PFKP: variants seen among roughly 807,000 people sequenced by gnomAD.
PFKP encodes the protein ATP-dependent 6-phosphofructokinase, platelet type.
A neutral mutation model predicts 94.3 loss-of-function variants in PFKP; 101 were observed. The observed-to-expected ratio is 1.07, with a 90% CI of 0.91 to 1.26. The LOEUF (loss-of-function observed/expected upper bound fraction) is 1.26. Ranked by LOEUF, PFKP falls within the 50% of genes most tolerant of loss-of-function variation. The pLI, the probability that PFKP is intolerant of heterozygous loss-of-function variation, is 0.00. For missense variants in PFKP, 1,145 were observed against 1,103.3 expected (o/e 1.04, Z -0.53); for synonymous variants, 573 against 432.6 (o/e 1.32, Z -4.03).
intron 10 of PFKP, among the ~76,000 whole-genome samples, chr10:3,110,767 C>T (rs925301581): frequency 6.6e-6 from 1 of 151,620 alleles, no homozygotes; most frequent in Non-Finnish European, 1.5e-5. Context: ...CATATACATG[C>T]AGGTTTATGC....
intron 2 of PFKP, among the ~76,000 whole-genome samples, chr10:3,098,675 A>C (rs1026403540): frequency 9.3e-6 from 1 of 107,028 alleles, no homozygotes; most frequent in Non-Finnish European, 2.2e-5. Flanking sequence ...TCCGTCTCAA[A>C]AAAAAAAAAA....
chr10:3,124,034 G>A (rs1171870357), intron 16 of PFKP, among the ~76,000 whole-genome samples: 2 of 131,426 alleles, frequency 1.5e-5, no homozygotes, highest in Non-Finnish European at 3.1e-5. Flanking sequence ...CCACCGTGCT[G>A]TGAACTCACC....
intron 3 of PFKP, chr10:3,100,862 C>CAAAATAAAAAAAAAAAAA (rs754923021): frequency 3.2e-5 from 21 of 657,252 alleles, no homozygotes; most frequent in South Asian, 5.5e-5. Flanking sequence ...GTATGTGGTG[C>CAAAATAAAAAAAAAAAAA]AAAAAAAAAA....
In PFKP at chr10:3,132,544, G is replaced by A. The variant is rs957709304; in HGVS notation, c.1910+103G>A. The A allele has an allele frequency of 1.8e-4, 144 of 808,142 alleles. 2 individuals carry two copies. The South Asian group carries it at 1.8e-3, about 10-fold the overall frequency. 50.1% of individuals were successfully genotyped at this position (808,142 alleles called of 1,614,324 possible). ...CTGGATGAGTGGTCATTTCTTTGCC[G>A]CTAGAGTGCACTACACACACTGAGC... On this transcript the variant is annotated intron_variant, in intron 18 of 21. Transcript: ENST00000381125.
intron 1 of PFKP, among the ~76,000 whole-genome samples, chr10:3,077,990 G>A (rs1832748526): frequency 6.6e-6 from 1 of 152,314 alleles, no homozygotes; most frequent in Admixed American, 6.5e-5. Context: ...TCTTTGGTAG[G>A]AAGATGTTAT....
chr10:3,121,037 G>A (rs1029976082), intron 16 of PFKP, among the ~76,000 whole-genome samples: 2 of 151,854 alleles, frequency 1.3e-5, no homozygotes, highest in Non-Finnish European at 1.5e-5. Context: ...ACCTTGGCAT[G>A]AAACTTATTT....
chr10:3,134,510 A>G lies in PFKP; in HGVS notation c.2050A>G (p.Asn684Asp), dbSNP rs1374191117. ...QGGAPSPFDR[N>D]FGTKISARAM... ...TGGGGCACCCTCTCCATTTGATAGA[A>G]ACTTTGGAACCAAAATCTCTGCCAG... Residue 684 changes from asparagine (N) to aspartate (D), a missense_variant, in exon 20 of 22, where the codon AAC becomes GAC. Physicochemically the swap from Asn to Asp is conservative, Grantham distance 23. Transcript: ENST00000381125. 6.2e-7 allele frequency: 1 copy of G among 1,613,872 alleles called. No individual in the cohort carries two copies. The highest frequency in any genetic ancestry group is 1.7e-5 in the Admixed American group (1 of 60,028).
intron 1 of PFKP, chr10:3,069,459 C>A: frequency 7.1e-7 from 1 of 1,409,236 alleles, no homozygotes. Flanking sequence ...CCTTCAGAAG[C>A]AGAGGGAGCA....
chr10:3,116,656 C>T (rs7086902), intron 13 of PFKP, 120 bp from the exon 14 acceptor site: 506,247 of 762,180 alleles, frequency 0.66, 169,534 homozygotes, highest in East Asian at 0.79. Context: ...CTGTCTCATA[C>T]GCCTCTCAAA....
chr10:3,122,279 G>A (rs56180516), intron 16 of PFKP, among the ~76,000 whole-genome samples: 9,092 of 152,194 alleles, frequency 0.06, 449 homozygotes, highest in East Asian at 0.21. Context: ...TTGGGAGTGC[G>A]GTGGTTCTAG....
intron 11 of PFKP, 36 bp downstream of exon 11, chr10:3,112,322 AAC>A: frequency 3.3e-6 from 5 of 1,515,484 alleles, no homozygotes; most frequent in Non-Finnish European, 4.6e-6. Context: ...CCCTGTCAGG[AAC>A]ACACACCCCT....
At chr10:3,118,695 G>T in intron 14 of PFKP, 87 bp from the exon 15 acceptor site, 1 of 858,816 alleles carries the variant, frequency 1.2e-6, no homozygotes, top group Non-Finnish European at 1.9e-6. Flanking sequence ...GACTGGGGAA[G>T]GCGGCCGGGT....
chr10:3,084,468 C>G (rs1337404820), intron 2 of PFKP, among the ~76,000 whole-genome samples: 1 of 152,164 alleles, frequency 6.6e-6, no homozygotes, highest in Non-Finnish European at 1.5e-5. Flanking sequence ...TGCTTTTATT[C>G]AATTAAACTG....
intron 17 of PFKP, among the ~76,000 whole-genome samples, chr10:3,131,025 C>T (rs1838514461): frequency 6.6e-6 from 1 of 152,028 alleles, no homozygotes; most frequent in African/African-American, 2.4e-5. Flanking sequence ...CAGTGGGTCC[C>T]ATAAGATTAT....
intron 17 of PFKP, among the ~76,000 whole-genome samples, chr10:3,131,847 A>G (rs1423866131): frequency 2.1e-4 from 32 of 152,262 alleles, no homozygotes; most frequent in Non-Finnish European, 4.3e-4. Context: ...ATCATTAGAG[A>G]ATTACCTCCC....
chr10:3,123,207 CT>C (rs1837599483), intron 16 of PFKP, among the ~76,000 whole-genome samples: 1 of 152,198 alleles, frequency 6.6e-6, no homozygotes. Flanking sequence ...CCTTTCATTC[CT>C]TAGCACTGGC....
At chr10:3,085,907 C>T (rs911606173) in intron 2 of PFKP, among the ~76,000 whole-genome samples, 4 of 150,444 alleles carry the variant, frequency 2.7e-5, no homozygotes, top group Admixed American at 6.6e-5. Flanking sequence ...CTGCACCTGA[C>T]GAAGACCAGC....
intron 10 of PFKP, among the ~76,000 whole-genome samples, chr10:3,109,925 G>C (rs960764250): frequency 6.6e-6 from 1 of 151,722 alleles, no homozygotes; most frequent in African/African-American, 2.4e-5. Context: ...AGGCGGGCGT[G>C]AGAGAGATCT....
intron 8 of PFKP, chr10:3,107,859 ACT>A: frequency 7.8e-7 from 1 of 1,283,930 alleles, no homozygotes; most frequent in Non-Finnish European, 1.0e-6. Flanking sequence ...TCTGGAGAGG[ACT>A]CTGATACCAT....
Sources: gnomAD v4.1 joint callset for allele counts (sites outside exome capture counted in the v4.1 genomes callset) on GRCh38, gnomAD v4.1.1 for gene constraint, MANE v1.5 for transcripts, NCBI Gene and HGNC (gene_info 2026-07-23, HGNC 2026-07-21) for gene names.